The following VWA2 variants were observed in gnomAD, a reference collection of about 807,000 sequenced individuals.
VWA2 encodes the protein von Willebrand factor A domain-containing protein 2.
Under a neutral mutation model 70.4 loss-of-function variants are expected in VWA2, and 73 were observed. The ratio of observed to expected loss-of-function variants is 1.04; its 90% confidence interval spans 0.86 to 1.26. The LOEUF (loss-of-function observed/expected upper bound fraction) is 1.26, where lower values mean the gene tolerates loss of function less well. VWA2 is among the 50% of genes most tolerant of loss of function. VWA2 has a pLI of 0.00. For synonymous variants in VWA2, 407 were observed against 423.3 expected (o/e 0.96, Z 0.47); for missense variants, 1,011 against 998.5 (o/e 1.01, Z -0.17).
chr10:114,277,132 G>C (rs2037862470), intron 6 of VWA2, among the ~76,000 whole-genome samples: 1 of 146,480 alleles, frequency 6.8e-6, no homozygotes, highest in Admixed American at 6.8e-5. Context: ...ACTTTTCAAG[G>C]ACAGGATTCT....
chr10:114,292,700 A>G lies in VWA2; in HGVS notation c.*1463A>G, dbSNP rs1408508710. On this transcript the variant is annotated 3_prime_UTR_variant, in exon 14 of 14. Coordinates refer to ENST00000392982, the MANE Select transcript of VWA2 (RefSeq NM_001272046.2). ...CTAGAGCTCTGATGTGACTCCAGAC[A>G]CTTTATCGTTTTTCTTTTTTTTGAG... 6.6e-6 allele frequency among the ~76,000 whole-genome samples: 1 copy of G among 151,436 alleles called. No individual in the cohort carries two copies. Among genetic ancestry groups the G allele is most frequent in the Non-Finnish European group, 1.5e-5 (1 of 67,902 alleles).
chr10:114,270,106 A>C (rs895048264), intron 5 of VWA2, among the ~76,000 whole-genome samples: 3 of 152,366 alleles, frequency 2.0e-5, no homozygotes, highest in African/African-American at 7.2e-5. Context: ...AATGGGCAGC[A>C]GGCCAGATTA....
In VWA2 at chr10:114,291,770, G is replaced by A. The variant is rs973219051; in HGVS notation, c.*533G>A. ...GACATTCTGGATGCATTTGCATTGA[G>A]TCTGAAAGGGGGCTTGAGGGACGTT... On this transcript the variant is annotated 3_prime_UTR_variant, in exon 14 of 14. Coordinates refer to ENST00000392982, the MANE Select transcript of VWA2 (RefSeq NM_001272046.2). Among the ~76,000 whole-genome samples the A allele has an allele frequency of 6.6e-6, 1 of 152,224 alleles. No homozygotes were observed. Among genetic ancestry groups the A allele is most frequent in the Non-Finnish European group, 1.5e-5 (1 of 68,048 alleles).
At chr10:114,277,060 A>C (rs1039370536) in intron 6 of VWA2, among the ~76,000 whole-genome samples, 2 of 150,804 alleles carry the variant, frequency 1.3e-5, no homozygotes, top group African/African-American at 4.9e-5. Flanking sequence ...AGTTTTACAG[A>C]CCTGAATTTT....
Position 114,286,175 on chromosome 10 carries a change from G to T in VWA2, c.1234G>T (p.Gly412Cys), listed in dbSNP as rs201196707. ...DVPDLVWSLD[G>C]IPFRGGPTLT... Reference sequence around the variant, plus strand: ...GCCTGACCTGGTCTGGAGCCTCGATGGCATTCCCTTCCGTGGTGGCCCCAC... The same window carrying T: ...GCCTGACCTGGTCTGGAGCCTCGATTGCATTCCCTTCCGTGGTGGCCCCAC... Residue 412 changes from glycine (G) to cysteine (C), a missense_variant, in exon 11 of 14, where the codon GGC becomes TGC. Physicochemically the swap from Gly to Cys is radical, Grantham distance 159. Transcript: ENST00000392982. The T allele has an allele frequency of 4.3e-6, 7 of 1,613,962 alleles. No individual in the cohort carries two copies. The highest frequency in any genetic ancestry group is 5.9e-6 in the Non-Finnish European group (7 of 1,180,026).
In VWA2 at chr10:114,278,817, C is replaced by T. The variant is rs1361083257; in HGVS notation, c.799C>T (p.Leu267Phe). Residue 267 changes from leucine (L) to phenylalanine (F), a missense_variant, in exon 8 of 14, where the codon CTT (leucine) becomes TTT (phenylalanine). Transcript: ENST00000392982. Reference protein sequence around the residue: ...APCWRGSRRTLAVLAAHCPFY... With the variant: ...APCWRGSRRTFAVLAAHCPFY... ...ATGCTGGAGAGGATCGCGGCGGACC[C>T]TTGCGGTGCTGGCTGCACACTGTCC... 1.2e-6 allele frequency: 2 copies of T among 1,613,314 alleles called. No individual in the cohort carries two copies. The highest frequency in any genetic ancestry group is 3.3e-5 in the Admixed American group (2 of 60,010).
At chr10:114,275,923 G>A (rs1424728180) in intron 6 of VWA2, among the ~76,000 whole-genome samples, 3 of 152,174 alleles carry the variant, frequency 2.0e-5, no homozygotes, top group East Asian at 3.9e-4. Flanking sequence ...GGGTGACTCC[G>A]TCTCATAAAA....
chr10:114,241,580 T>C (rs894884465), intron 1 of VWA2, among the ~76,000 whole-genome samples: 1 of 152,200 alleles, frequency 6.6e-6, no homozygotes, highest in Admixed American at 6.5e-5. Context: ...CATCATAAGC[T>C]TGTGGTGAAA....
At chr10:114,290,137 G>A in intron 12 of VWA2, 103 bp from the exon 13 acceptor site, 1 of 1,454,260 alleles carries the variant, frequency 6.9e-7, no homozygotes, top group Non-Finnish European at 9.2e-7. Flanking sequence ...AGGGAGACAT[G>A]ACTCTAGTAG....
chr10:114,239,729 G>A (rs374190978), intron 1 of VWA2, among the ~76,000 whole-genome samples, 160 bp downstream of exon 1: 4 of 152,212 alleles, frequency 2.6e-5, no homozygotes, highest in East Asian at 1.9e-4. Context: ...GGCTTTGTTC[G>A]CATTGTCTGC....
At chr10:114,251,786 G>A (rs776154456) in intron 2 of VWA2, among the ~76,000 whole-genome samples, 1 of 151,152 alleles carries the variant, frequency 6.6e-6, no homozygotes, top group South Asian at 2.1e-4. Flanking sequence ...TGGCATGGTC[G>A]TGATCTCTGA....
chr10:114,293,238 G>T lies in VWA2; in HGVS notation c.*2001G>T, dbSNP rs985849853. ...TATGCTGCCCTTCACAGAAGACAAC[G>T]TCCGGGGCAGGATCACATGCTCCCT... On this transcript the variant is annotated 3_prime_UTR_variant, in exon 14 of 14. Coordinates refer to ENST00000392982, the MANE Select transcript of VWA2 (RefSeq NM_001272046.2). Among the ~76,000 whole-genome samples the T allele has an allele frequency of 1.3e-5, 2 of 152,176 alleles. No individual in the cohort carries two copies. The highest frequency in any genetic ancestry group is 4.8e-5 in the African/African-American group (2 of 41,454).
chr10:114,285,770 T>C (rs1228718612), intron 10 of VWA2, among the ~76,000 whole-genome samples, 169 bp from the exon 11 acceptor site: 3 of 152,218 alleles, frequency 2.0e-5, no homozygotes, highest in Non-Finnish European at 2.9e-5. Context: ...AGGAGTGCCA[T>C]GTCTGGCCTT....
chr10:114,248,747 G>A lies in VWA2; in HGVS notation c.34G>A (p.Val12Ile). Residue 12 changes from valine to isoleucine, a missense_variant, in exon 2 of 14, where the codon GTT becomes ATT. By Grantham distance (29) the Val-to-Ile change is conservative (BLOSUM62 3). Transcript: ENST00000392982. ...PPFLLLEAVC[V>I]FLFSRVPPSL... ...TTTCCTGTTGCTGGAAGCCGTCTGT[G>A]TTTTCCTGTTTTCCAGAGGTAAGAT... 2 of 1,613,606 alleles carry A rather than the reference G, an allele frequency of 1.2e-6. No homozygotes were observed. The highest frequency in any genetic ancestry group is 1.7e-6 in the Non-Finnish European group (2 of 1,179,582).
At chr10:114,246,067 C>A (rs2133281292) in intron 1 of VWA2, 3 of 424,902 alleles carry the variant, frequency 7.1e-6, no homozygotes, top group South Asian at 3.5e-5. Flanking sequence ...CTACCTGCCC[C>A]CGCCCCCCGC....
intron 5 of VWA2, 29 bp from the exon 6 acceptor site, chr10:114,272,707 TTTTC>T (rs770812397): frequency 8.3e-5 from 127 of 1,523,230 alleles, no homozygotes; most frequent in Non-Finnish European, 1.1e-4. Flanking sequence ...CATCATTCAC[TTTTC>T]TTTCTTTTTT....
chr10:114,282,908 A>G (rs992958210), intron 9 of VWA2, among the ~76,000 whole-genome samples: 4 of 152,338 alleles, frequency 2.6e-5, no homozygotes, highest in Middle Eastern at 3.4e-3. Flanking sequence ...TTCCTCCTCT[A>G]TAAAACATAG....
intron 11 of VWA2, among the ~76,000 whole-genome samples, chr10:114,286,848 C>T (rs1278275456): frequency 6.6e-6 from 1 of 152,202 alleles, no homozygotes; most frequent in African/African-American, 2.4e-5. Context: ...TCTGAATCTA[C>T]TAAGCAGGCT....
At chr10:114,275,982 C>A (rs572963426) in intron 6 of VWA2, among the ~76,000 whole-genome samples, 1 of 152,310 alleles carries the variant, frequency 6.6e-6, no homozygotes, top group South Asian at 2.1e-4. Flanking sequence ...AATATAAATT[C>A]AAATGTTTAT....
Sources: allele counts gnomAD v4.1 joint callset (sites outside exome capture counted in the v4.1 genomes callset), GRCh38; gene constraint gnomAD v4.1.1; transcripts MANE v1.5; gene names NCBI Gene and HGNC (gene_info 2026-07-23, HGNC 2026-07-21).